Variants in WDR43 observed in about 807,000 individuals in gnomAD.
WDR43 encodes WD repeat-containing protein 43.
WDR43 carries 13 observed loss-of-function variants against 91.4 expected under a neutral mutation model. That is an observed-to-expected ratio of 0.14 (90% CI 0.09 to 0.23). The LOEUF (loss-of-function observed/expected upper bound fraction) is 0.23. Among genes scored for constraint, WDR43 ranks in the 10% least tolerant of loss-of-function variants. The pLI is 1.00. For missense variants in WDR43, 780 were observed against 809.4 expected (o/e 0.96, Z 0.44); for synonymous variants, 331 against 287.9 (o/e 1.15, Z -1.51).
Position 28,921,151 on chromosome 2 carries a change from C to T in WDR43, c.850-1768C>T, listed in dbSNP as rs567893613. On this transcript the variant is annotated intron_variant, in intron 6 of 17. Coordinates refer to ENST00000407426, the MANE Select transcript of WDR43 (RefSeq NM_015131.3). ...AAAAAATTTTTTTTTTTTTTTGAGA[C>T]GGAGTCTTGCTTTGTCGCCAGGCTG... Among the ~76,000 whole-genome samples the T allele has an allele frequency of 4.8e-5, 7 of 145,596 alleles. No homozygotes were observed. In the East Asian group the frequency reaches 6.1e-4, roughly 13 times the overall value.
At chr2:28,895,483 G>C (rs1670462230) in intron 1 of WDR43, 1 of 152,154 alleles carries the variant, frequency 6.6e-6, no homozygotes, top group Non-Finnish European at 1.5e-5. Context: ...CCTTTCCCAG[G>C]CACCTCTACA....
At chr2:28,933,416 A>C (rs1217209844) in intron 11 of WDR43, among the ~76,000 whole-genome samples, 1 of 152,216 alleles carries the variant, frequency 6.6e-6, no homozygotes, top group Admixed American at 6.5e-5. Context: ...TGTAAAACCT[A>C]AAACTACAAA....
intron 2 of WDR43, among the ~76,000 whole-genome samples, chr2:28,904,835 T>A (rs910896599): frequency 1.3e-5 from 2 of 152,274 alleles, no homozygotes; most frequent in Non-Finnish European, 2.9e-5. Context: ...GTAATCACTT[T>A]TATTCTTAGC....
chr2:28,921,006 G>C (rs1483865940), intron 6 of WDR43, among the ~76,000 whole-genome samples: 1 of 151,666 alleles, frequency 6.6e-6, no homozygotes, highest in Non-Finnish European at 1.5e-5. Context: ...CTCTTTTTCT[G>C]ACTGAATTCT....
At chr2:28,932,923 G>C (rs1174232538) in intron 11 of WDR43, among the ~76,000 whole-genome samples, 3 of 151,874 alleles carry the variant, frequency 2.0e-5, no homozygotes, top group Admixed American at 2.0e-4. Flanking sequence ...AAATACCTAG[G>C]GTATATCTAA....
chr2:28,906,883 A>T (rs1670691913), intron 3 of WDR43, among the ~76,000 whole-genome samples: 2 of 152,168 alleles, frequency 1.3e-5, no homozygotes, highest in African/African-American at 4.8e-5. Context: ...TGGACCTTCT[A>T]GGACAGGTAA....
chr2:28,911,742 C>T (rs1159818430), intron 3 of WDR43, among the ~76,000 whole-genome samples: 1 of 151,914 alleles, frequency 6.6e-6, no homozygotes, highest in African/African-American at 2.4e-5. Flanking sequence ...AGCGATCCTA[C>T]CATCTCAGCC....
rs1395382331 is a variant in WDR43, at chr2:28,904,722, A to C, written c.364-1738A>C. On this transcript the variant is annotated intron_variant, in intron 2 of 17. Coordinates refer to ENST00000407426, the MANE Select transcript of WDR43 (RefSeq NM_015131.3). Reference sequence around the variant, plus strand: ...ATATAAGACTTAGTTCTTGGAGTACACAGCTGATAGGAAGGAAGGAAAGTA... The same window carrying C: ...ATATAAGACTTAGTTCTTGGAGTACCCAGCTGATAGGAAGGAAGGAAAGTA... 7.2e-5 allele frequency among the ~76,000 whole-genome samples: 11 copies of C among 152,376 alleles called. No individual in the cohort carries two copies. The East Asian group carries it at 2.1e-3, about 29-fold the overall frequency.
intron 3 of WDR43, among the ~76,000 whole-genome samples, chr2:28,911,760 T>C (rs1670805629): frequency 6.6e-6 from 1 of 151,814 alleles, no homozygotes. Context: ...GCCTCCAGAG[T>C]AGCTGGGACT....
In WDR43 at chr2:28,937,520, A is replaced by G. The variant is rs1389996534; in HGVS notation, c.1557-411A>G. Among the ~76,000 whole-genome samples, 6 of 152,210 alleles carry G rather than the reference A, an allele frequency of 3.9e-5. 1 individual carries two copies. The highest frequency in any genetic ancestry group is 9.6e-5 in the African/African-American group (4 of 41,516). ...ACTTTTTTGCACATTTTTGGTCTAT[A>G]TTTGCCTTTTAATGTTAATGGAGGA... On this transcript the variant is annotated intron_variant, in intron 13 of 17. Transcript: ENST00000407426.
intron 3 of WDR43, among the ~76,000 whole-genome samples, 182 bp downstream of exon 3, chr2:28,906,763 G>A (rs542680893): frequency 6.6e-6 from 1 of 152,212 alleles, no homozygotes; most frequent in African/African-American, 2.4e-5. Flanking sequence ...GCTAAAAATG[G>A]TACAAAAATA....
Position 28,899,325 on chromosome 2 carries a change from C to A in WDR43, c.226-2662C>A, listed in dbSNP as rs1436109511. Among the ~76,000 whole-genome samples the A allele has an allele frequency of 3.9e-5, 6 of 152,148 alleles. No homozygotes were observed. The East Asian group carries it at 9.7e-4, about 25-fold the overall frequency. On this transcript the variant is annotated intron_variant, in intron 1 of 17. Transcript: ENST00000407426. The stretch of plus-strand genomic sequence containing the variant: ...TTGCCGTGTCTAATGCAGGGTATGA[C>A]ATGTGTCTTAAGGGAAAGAAGTTTC...
At chr2:28,911,135 A>G (rs1446806950) in intron 3 of WDR43, among the ~76,000 whole-genome samples, 1 of 151,898 alleles carries the variant, frequency 6.6e-6, no homozygotes, top group African/African-American at 2.4e-5. Context: ...CCAGGATTAT[A>G]AAAACATTCT....
At chr2:28,915,217 T>C (rs1670882971) in intron 5 of WDR43, among the ~76,000 whole-genome samples, 1 of 152,218 alleles carries the variant, frequency 6.6e-6, no homozygotes, top group Non-Finnish European at 1.5e-5. Flanking sequence ...TCTGTTTACC[T>C]TCAAAACCAC....
At chr2:28,906,227 A>C (rs367581426) in intron 2 of WDR43, among the ~76,000 whole-genome samples, 1 of 152,046 alleles carries the variant, frequency 6.6e-6, no homozygotes, top group Non-Finnish European at 1.5e-5. Flanking sequence ...GGTCGCCTCT[A>C]TTTGCCTTTC....
At chr2:28,933,016 G>T (rs1019535914) in intron 11 of WDR43, among the ~76,000 whole-genome samples, 1 of 152,112 alleles carries the variant, frequency 6.6e-6, no homozygotes, top group Admixed American at 6.5e-5. Flanking sequence ...TCTAAGCCCT[G>T]TTCATGGGTT....
At chr2:28,931,796 G>C (rs923707545) in intron 11 of WDR43, among the ~76,000 whole-genome samples, 1 of 151,706 alleles carries the variant, frequency 6.6e-6, no homozygotes, top group Non-Finnish European at 1.5e-5. Flanking sequence ...AAATAATAGA[G>C]AAGTGGTTGA....
intron 15 of WDR43, among the ~76,000 whole-genome samples, chr2:28,942,075 T>A (rs1415606637): frequency 6.6e-6 from 1 of 152,220 alleles, no homozygotes; most frequent in Non-Finnish European, 1.5e-5. Context: ...TTTATACAGT[T>A]AAAATTTTGG....
rs759899102 is a variant in WDR43 at position 28,946,797 on chromosome 2, G to A, written c.*18G>A. ...AAGAATGAAGACAGCAAAGCAAGCC[G>A]GTCAAACTATATAAACTCTGGCTCA... On this transcript the variant is annotated 3_prime_UTR_variant, in exon 18 of 18. Transcript: ENST00000407426. The A allele has an allele frequency of 1.6e-5, 25 of 1,558,862 alleles. No homozygotes were observed. The highest frequency in any genetic ancestry group is 1.2e-4 in the East Asian group (5 of 42,860).
Sources: allele counts gnomAD v4.1 joint callset (sites outside exome capture counted in the v4.1 genomes callset), GRCh38; gene constraint gnomAD v4.1.1; transcripts MANE v1.5; gene names NCBI Gene and HGNC (gene_info 2026-07-23, HGNC 2026-07-21).